FRMD5: variants seen among roughly 807,000 people sequenced by gnomAD.
FRMD5 encodes the protein FERM domain-containing protein 5.
In FRMD5, 20 loss-of-function variants were observed where a neutral mutation model predicts 69.0. The ratio of observed to expected loss-of-function variants is 0.29; its 90% confidence interval spans 0.20 to 0.42. The LOEUF is 0.42. Among genes scored for constraint, FRMD5 ranks in the 10% least tolerant of loss-of-function variants. The probability of loss-of-function intolerance (pLI) is 1.00; values close to 1 mark genes in which losing one functional copy is unlikely to be tolerated. For missense variants in FRMD5, 595 were observed against 708.6 expected, an observed-to-expected ratio of 0.84 and a Z score of 1.82; for synonymous variants, 271 against 260.1, an observed-to-expected ratio of 1.04 and a Z score of -0.40.
In FRMD5 at chr15:43,961,238, C is replaced by G. The variant is rs1352413012; in HGVS notation, c.103-36929G>C. Reference sequence around the variant, plus strand: ...AAAGGGGATATCACCACCGATCTCACAGAAATACAAACTACCATCACAGAA... The same window carrying G: ...AAAGGGGATATCACCACCGATCTCAGAGAAATACAAACTACCATCACAGAA... On this transcript the variant is annotated intron_variant, in intron 1 of 13. Transcript: ENST00000417257. 2.0e-5 allele frequency among the ~76,000 whole-genome samples: 3 copies of G among 152,184 alleles called. No homozygotes were observed. In the East Asian group the frequency reaches 5.8e-4, roughly 29 times the overall value.
At chr15:44,199,378 C>T (rs556595919), upstream of FRMD5, among the ~76,000 whole-genome samples, 27 of 152,276 alleles carry the variant, frequency 1.8e-4, no homozygotes, top group Non-Finnish European at 3.7e-4. Context: ...GATAGCTTCC[C>T]CTCTCCAGCA....
intron 1 of FRMD5, among the ~76,000 whole-genome samples, chr15:44,167,828 T>C (rs1355152340): frequency 6.6e-6 from 1 of 152,198 alleles, no homozygotes; most frequent in Non-Finnish European, 1.5e-5. Context: ...TGACCTTAGG[T>C]GATCCACCTG....
At chr15:44,111,308 C>T (rs952352338) in intron 1 of FRMD5, among the ~76,000 whole-genome samples, 6 of 152,156 alleles carry the variant, frequency 3.9e-5, no homozygotes, top group African/African-American at 1.4e-4. Flanking sequence ...ATATATTTCA[C>T]TGACTCTGAA....
intron 1 of FRMD5, among the ~76,000 whole-genome samples, chr15:44,136,098 T>G (rs918884228): frequency 2.6e-5 from 4 of 152,098 alleles, no homozygotes; most frequent in Non-Finnish European, 4.4e-5. Context: ...CTTGGCTCAC[T>G]GCAACCTTCA....
Position 43,872,616 on chromosome 15 carries a change from TA to T in FRMD5, c.*1268del, listed in dbSNP as rs2088190192. 6.5e-6 allele frequency: 1 copy of T among 153,302 alleles called. No homozygotes were observed. The highest frequency in any genetic ancestry group is 2.0e-4 in the South Asian group (1 of 4,894). The allele number at this position is 153,302 out of a possible 1,614,324, so 9.5% of individuals were successfully genotyped here. A position where few individuals can be genotyped will look rare whatever the true frequency, so the allele number is the denominator to read the frequency against. On this transcript the variant is annotated 3_prime_UTR_variant, in exon 14 of 14. Transcript: ENST00000417257. Reference sequence around the variant, plus strand: ...CTAGAACTTATGCAGAGGATGACCCTAGGGGGCAGCATTTCTACATCTAAGT... The same window carrying T: ...CTAGAACTTATGCAGAGGATGACCCTGGGGGCAGCATTTCTACATCTAAGT...
chr15:44,163,286 C>T (rs894803121), intron 1 of FRMD5, among the ~76,000 whole-genome samples: 1 of 152,210 alleles, frequency 6.6e-6, no homozygotes, highest in African/African-American at 2.4e-5. Context: ...CCTTGTAACA[C>T]TTCTTGATTA....
chr15:44,004,925 A>C (rs1890369792), intron 1 of FRMD5, among the ~76,000 whole-genome samples: 1 of 152,380 alleles, frequency 6.6e-6, no homozygotes, highest in African/African-American at 2.4e-5. Flanking sequence ...GTGCTACTCC[A>C]GTGATCACAT....
intron 13 of FRMD5, among the ~76,000 whole-genome samples, chr15:43,874,932 C>A (rs1595466823): frequency 6.7e-6 from 1 of 149,946 alleles, no homozygotes; most frequent in Non-Finnish European, 1.5e-5. Context: ...GGGCGTGGTG[C>A]CTCATGCCTG....
intron 1 of FRMD5, among the ~76,000 whole-genome samples, chr15:44,187,406 T>G (rs1401463130): frequency 6.6e-6 from 1 of 152,152 alleles, no homozygotes; most frequent in Non-Finnish European, 1.5e-5. Flanking sequence ...CCAAGCAGAT[T>G]TCTGTTGTTT....
intron 1 of FRMD5, among the ~76,000 whole-genome samples, chr15:44,087,772 T>G (rs1025529060): frequency 6.6e-6 from 1 of 150,804 alleles, no homozygotes; most frequent in East Asian, 1.9e-4. Context: ...ATCATCATCA[T>G]CATCATCATC....
chr15:43,961,126 G>A (rs1366725151), intron 1 of FRMD5, among the ~76,000 whole-genome samples: 1 of 152,024 alleles, frequency 6.6e-6, no homozygotes, highest in African/African-American at 2.4e-5. Flanking sequence ...CTGGTTTTTT[G>A]AAAAGATCAA....
intron 1 of FRMD5, among the ~76,000 whole-genome samples, chr15:44,116,911 GTC>G (rs1207375051): frequency 1.3e-5 from 2 of 149,674 alleles, no homozygotes; most frequent in Non-Finnish European, 3.0e-5. Flanking sequence ...GTAAAACCCT[GTC>G]TCTACTAAAA....
chr15:44,061,532 G>A (rs563874110), intron 1 of FRMD5, among the ~76,000 whole-genome samples: 1 of 152,298 alleles, frequency 6.6e-6, no homozygotes, highest in East Asian at 1.9e-4. Flanking sequence ...TTTATGCTTT[G>A]AATTGTTTAG....
chr15:44,019,435 TAA>T (rs200449389), intron 1 of FRMD5, among the ~76,000 whole-genome samples: 2 of 141,240 alleles, frequency 1.4e-5, no homozygotes, highest in Non-Finnish European at 1.6e-5. Flanking sequence ...GGCATCCTGT[TAA>T]AAAAAAAAAA....
intron 13 of FRMD5, among the ~76,000 whole-genome samples, chr15:43,882,772 G>A (rs2088565408): frequency 6.6e-6 from 1 of 152,072 alleles, no homozygotes; most frequent in Non-Finnish European, 1.5e-5. Flanking sequence ...TAATTTTACT[G>A]TGGAGATTGG....
intron 4 of FRMD5, among the ~76,000 whole-genome samples, chr15:43,911,455 A>G (rs1049670621): frequency 3.9e-5 from 6 of 152,210 alleles, no homozygotes. Flanking sequence ...GCCAGCAAGG[A>G]ACTGAGGCTT....
chr15:43,998,517 T>C (rs1370466702), intron 1 of FRMD5, among the ~76,000 whole-genome samples: 1 of 152,186 alleles, frequency 6.6e-6, no homozygotes, highest in East Asian at 1.9e-4. Context: ...AATGCATATG[T>C]GATCCAACAC....
At position 43,913,562 on chromosome 15, in the gene FRMD5, T is replaced by C. The variant is rs76548512; in HGVS notation, c.330-3583A>G. On this transcript the variant is annotated intron_variant, in intron 4 of 13. Transcript: ENST00000417257. ...ATGACTCATAGCATCCTTAGACCTATTCACAAGAGACCCTGGCATGTTCTC... is the reference window on the plus strand; with the variant it reads ...ATGACTCATAGCATCCTTAGACCTACTCACAAGAGACCCTGGCATGTTCTC... 9.9e-4 allele frequency among the ~76,000 whole-genome samples: 151 copies of C among 152,338 alleles called. 2 individuals are homozygous for C. In the East Asian group the frequency reaches 0.026, roughly 26 times the overall value.
Position 43,874,254 on chromosome 15 carries a change from C to T in FRMD5, c.1344G>A (p.Gln448=), listed in dbSNP as rs1041245510. ...HSLELMLLSR[Q]INGATCSIEE... ...CAATGCTGCAGGTGGCTCCATTGAT[C>T]TGCCGGGAAAGCAACATCAGCTCCA... The change falls in exon 14 of 14, where the codon CAG becomes CAA. Residue 448 remains glutamine (Q), a synonymous_variant. Transcript: ENST00000417257. 6.2e-6 allele frequency: 10 copies of T among 1,614,250 alleles called. No individual in the cohort carries two copies. The highest frequency in any genetic ancestry group is 1.7e-5 in the Admixed American group (1 of 60,036).
Sources: gnomAD v4.1 joint callset for allele counts (sites outside exome capture counted in the v4.1 genomes callset) on GRCh38, gnomAD v4.1.1 for gene constraint, MANE v1.5 for transcripts, NCBI Gene and HGNC (gene_info 2026-07-23, HGNC 2026-07-21) for gene names.